TBC1D19: variants seen among roughly 807,000 people sequenced by gnomAD.
TBC1D19 encodes TBC1 domain family member 19.
TBC1D19 carries 60 observed loss-of-function variants against 89.0 expected under a neutral mutation model. The ratio of observed to expected loss-of-function variants is 0.67; its 90% CI spans 0.55 to 0.84. TBC1D19 has a LOEUF of 0.84. Among genes scored for constraint, TBC1D19 ranks in the 40% least tolerant of loss-of-function variants. The pLI, the probability that TBC1D19 is intolerant of heterozygous loss-of-function variation, is 0.00. For missense variants in TBC1D19, 500 were observed against 610.8 expected, an observed-to-expected ratio of 0.82 and a Z score of 1.91; for synonymous variants, 189 against 199.7, an observed-to-expected ratio of 0.95 and a Z score of 0.45.
the TBC1D19 span, among the ~76,000 whole-genome samples, chr4:26,765,218 C>A: frequency 2.0e-5 from 3 of 151,874 alleles, no homozygotes; most frequent in Admixed American, 1.3e-4. Context: ...AGGGGGTTTG[C>A]AAGAAGGAAG....
At chr4:26,618,562 T>A (rs557878626) in intron 3 of TBC1D19, among the ~76,000 whole-genome samples, 84 of 152,218 alleles carry the variant, frequency 5.5e-4, no homozygotes, top group Non-Finnish European at 1.1e-3. Context: ...CTTTGTAGAC[T>A]GGATCCTAAA....
chr4:26,811,033 C>T, the TBC1D19 span, among the ~76,000 whole-genome samples: 3 of 152,166 alleles, frequency 2.0e-5, no homozygotes, highest in Non-Finnish European at 4.4e-5. Context: ...ATAAATCATT[C>T]TACTATAAAG....
intron 12 of TBC1D19, among the ~76,000 whole-genome samples, chr4:26,686,429 T>C (rs1006586785): frequency 3.9e-5 from 6 of 152,062 alleles, no homozygotes; most frequent in African/African-American, 1.2e-4. Context: ...TTTTTTTTTT[T>C]AACAAACTTG....
the TBC1D19 span, among the ~76,000 whole-genome samples, chr4:26,823,113 T>C: frequency 2.0e-5 from 3 of 152,302 alleles, no homozygotes; most frequent in African/African-American, 4.8e-5. Flanking sequence ...GGCCTCACAA[T>C]CATGGCAGAA....
At chr4:26,744,818 G>GA (rs900617371) in intron 18 of TBC1D19, among the ~76,000 whole-genome samples, 10 of 152,116 alleles carry the variant, frequency 6.6e-5, no homozygotes, top group African/African-American at 2.2e-4. Flanking sequence ...ATGTGCACCT[G>GA]AAAAAAATTT....
chr4:26,725,720 A>AT (rs1253038076), intron 15 of TBC1D19, among the ~76,000 whole-genome samples: 1 of 152,160 alleles, frequency 6.6e-6, no homozygotes, highest in African/African-American at 2.4e-5. Flanking sequence ...ACCCTGATTA[A>AT]TACTTCTAAA....
intron 1 of TBC1D19, among the ~76,000 whole-genome samples, chr4:26,593,081 T>G (rs1468667594): frequency 4.6e-5 from 7 of 152,168 alleles, no homozygotes; most frequent in Non-Finnish European, 8.8e-5. Context: ...CTACGTGACT[T>G]CAAACTATAC....
At chr4:26,702,037 G>A (rs183401986) in intron 13 of TBC1D19, among the ~76,000 whole-genome samples, 259 of 152,198 alleles carry the variant, frequency 1.7e-3, no homozygotes, top group African/African-American at 6.1e-3. Context: ...CAACTACAAA[G>A]CCTCTTTGGT....
intron 8 of TBC1D19, among the ~76,000 whole-genome samples, chr4:26,664,302 G>A (rs182545630): frequency 3.9e-5 from 6 of 152,272 alleles, no homozygotes; most frequent in Admixed American, 3.9e-4. Context: ...TCTGAGATTA[G>A]GGTCCATGTC....
chr4:26,824,839 A>G, the TBC1D19 span, among the ~76,000 whole-genome samples: 2 of 152,186 alleles, frequency 1.3e-5, no homozygotes, highest in African/African-American at 4.8e-5. Flanking sequence ...TCCACATAAC[A>G]TTTAAGCAAA....
chr4:26,742,495 T>C lies in TBC1D19; in HGVS notation c.1228-13T>C, dbSNP rs376540132. The C allele has an allele frequency of 4.5e-6, 7 of 1,571,986 alleles. No homozygotes were observed. The African/African-American group carries it at 9.5e-5, about 21-fold the overall frequency. The stretch of plus-strand genomic sequence containing the variant: ...AAATATCTATTTCTCTTATGATTCA[T>C]TATTGTATCCAGGGTATTGTGTCAC... On this transcript the variant is annotated splice_polypyrimidine_tract_variant and intron_variant, in intron 17 of 20. Coordinates refer to ENST00000264866, the MANE Select transcript of TBC1D19 (RefSeq NM_018317.4).
At chr4:26,623,604 G>C (rs994228626) in intron 4 of TBC1D19, among the ~76,000 whole-genome samples, 8 of 152,016 alleles carry the variant, frequency 5.3e-5, no homozygotes, top group Non-Finnish European at 1.5e-5. Context: ...TTTTTTCTGT[G>C]AGATCAAACT....
the TBC1D19 span, among the ~76,000 whole-genome samples, chr4:26,839,220 C>G: frequency 6.6e-6 from 1 of 151,976 alleles, no homozygotes; most frequent in African/African-American, 2.4e-5. Flanking sequence ...TTAAACTTGC[C>G]ATAAAAACGA....
the TBC1D19 span, among the ~76,000 whole-genome samples, chr4:26,830,597 T>A: frequency 6.6e-6 from 1 of 152,220 alleles, no homozygotes; most frequent in Non-Finnish European, 1.5e-5. Context: ...ACCACCAGAT[T>A]GAAGCTTCTA....
chr4:26,775,215 G>C, the TBC1D19 span, among the ~76,000 whole-genome samples: 1 of 152,286 alleles, frequency 6.6e-6, no homozygotes, highest in South Asian at 2.1e-4. Flanking sequence ...ACTTTGGAAG[G>C]CTAAGGCTGG....
chr4:26,846,296 A>G, the TBC1D19 span, among the ~76,000 whole-genome samples: 1 of 152,204 alleles, frequency 6.6e-6, no homozygotes, highest in Admixed American at 6.5e-5. Flanking sequence ...TTCAGTTCAT[A>G]TGCCATAATT....
chr4:26,594,425 G>A (rs536017091), intron 1 of TBC1D19, among the ~76,000 whole-genome samples: 49 of 151,890 alleles, frequency 3.2e-4, no homozygotes, highest in Non-Finnish European at 6.9e-4. Context: ...TACCAAAATG[G>A]CACTTAAAGT....
At chr4:26,788,836 T>C in the TBC1D19 span, among the ~76,000 whole-genome samples, 6 of 152,326 alleles carry the variant, frequency 3.9e-5, no homozygotes, top group Admixed American at 6.5e-5. Context: ...GTATTTGCAG[T>C]TGGAGGATCC....
chr4:26,823,574 C>T, the TBC1D19 span, among the ~76,000 whole-genome samples: 8 of 152,178 alleles, frequency 5.3e-5, no homozygotes, highest in South Asian at 2.1e-4. Flanking sequence ...CCCAGAGTTG[C>T]GGGGGCCTTT....
Sources: allele counts gnomAD v4.1 joint callset (sites outside exome capture counted in the v4.1 genomes callset), GRCh38; gene constraint gnomAD v4.1.1; transcripts MANE v1.5; gene names NCBI Gene and HGNC (gene_info 2026-07-23, HGNC 2026-07-21).